Variants in BSG observed in about 807,000 individuals in gnomAD.
BSG encodes basigin (Ok blood group).
Under a neutral mutation model 43.1 loss-of-function variants are expected in BSG, and 37 were observed. The observed-to-expected ratio is 0.86, with a 90% CI of 0.66 to 1.13. The LOEUF (loss-of-function observed/expected upper bound fraction) is 1.13, where lower values mean the gene tolerates loss of function less well. Ranked by LOEUF, BSG falls within the 50% of genes most tolerant of loss-of-function variation. The pLI, the probability that BSG is intolerant of heterozygous loss-of-function variation, is 0.00. For synonymous variants in BSG, 309 were observed against 238.7 expected (o/e 1.29, Z -2.72); for missense variants, 599 against 554.2 (o/e 1.08, Z -0.81).
chr19:577,958 C>A lies in BSG; in HGVS notation c.252C>A (p.Thr84=), dbSNP rs767643953. Residue 84 remains threonine (T), a synonymous_variant, in exon 2 of 9, where the codon ACC becomes ACA. Coordinates refer to ENST00000333511, the MANE Select transcript of BSG (RefSeq NM_001728.4). The part of the protein sequence containing the change: ...ARLDRVHIHA[T]YHQHAASTIS... ...TGGACCGCGTCCACATCCACGCCAC[C>A]TACCACCAGCACGCGGCCAGCACCA... 3.1e-6 allele frequency: 5 copies of A among 1,611,820 alleles called. No individual in the cohort carries two copies. In the Admixed American group the frequency reaches 8.3e-5, roughly 27 times the overall value.
chr19:579,467 A>T, intron 2 of BSG, 33 bp from the exon 3 acceptor site: 1 of 1,610,832 alleles, frequency 6.2e-7, no homozygotes, highest in South Asian at 1.1e-5. Context: ...GTGCTCCTCC[A>T]CTCTGCTGAC....
intron 2 of BSG, chr19:579,023 C>G (rs1280680573): frequency 8.8e-6 from 4 of 456,280 alleles, no homozygotes; most frequent in African/African-American, 6.0e-5. Context: ...AGCCTCCGCG[C>G]CCGGCCACCA....
At chr19:579,358 C>A in intron 2 of BSG, 142 bp from the exon 3 acceptor site, 1 of 1,173,608 alleles carries the variant, frequency 8.5e-7, no homozygotes, top group Non-Finnish European at 1.2e-6. Flanking sequence ...GGCCTCCGGT[C>A]CTCGGGGCGT....
chr19:575,222 C>A (rs562293196), intron 1 of BSG: 46 of 152,608 alleles, frequency 3.0e-4, no homozygotes, highest in African/African-American at 1.4e-4. Flanking sequence ...AGAAACCCCA[C>A]TTTTGCTGGG....
Position 582,744 on chromosome 19 carries a change from C to A in BSG, c.*6-6C>A. ...GTCCAGTCTGAGCGCCCCTCCCTGT[C>A]CACAGGTGGCCCGAGGACGCTCCCT... is the stretch of plus-strand genomic sequence containing the variant. On this transcript the variant is annotated splice_region_variant and splice_polypyrimidine_tract_variant and intron_variant, in intron 8 of 8. Transcript: ENST00000333511. The A allele has an allele frequency of 1.4e-6, 1 of 731,404 alleles. No individual in the cohort carries two copies. The allele number at this position is 731,404 out of a possible 1,614,324, so 45.3% of individuals were successfully genotyped here.
upstream of BSG, chr19:572,377 A>C (rs1981317140): frequency 9.1e-7 from 1 of 1,103,940 alleles, no homozygotes; most frequent in South Asian, 4.5e-5. Context: ...CGCAGGCCCC[A>C]CTCCCGTTTC....
At position 579,602 on chromosome 19, in the gene BSG, AGGG is replaced by A. The variant is rs760264753; in HGVS notation, c.522_524del (p.Gly175del). ...GAGGTCACAGGGCACCGCTGGCTGAAGGGGGGCGTGGTGCTGAAGGAGGACGCG... is the reference window on the plus strand; with the variant it reads ...GAGGTCACAGGGCACCGCTGGCTGAAGGGCGTGGTGCTGAAGGAGGACGCG... On this transcript the variant is annotated inframe_deletion, in exon 3 of 9. Transcript: ENST00000333511. 1.2e-6 allele frequency: 2 copies of A among 1,612,590 alleles called. No homozygotes were observed. Among genetic ancestry groups the A allele is most frequent in the South Asian group, 2.2e-5 (2 of 91,078 alleles).
At position 578,040 on chromosome 19, in the gene BSG, A is replaced by AACG; in HGVS notation, c.337_339dup (p.Asp113dup). The AACG allele has an allele frequency of 6.2e-7, 1 of 1,611,458 alleles. No individual in the cohort carries two copies. The highest frequency in any genetic ancestry group is 2.2e-5 in the East Asian group (1 of 44,840). ...GGGCACTTACGAGTGCCGGGCCAGC[A>AACG]ACGACCCGGATCGCAACCACCTGAC... On this transcript the variant is annotated inframe_insertion, in exon 2 of 9. Coordinates refer to ENST00000333511, the MANE Select transcript of BSG (RefSeq NM_001728.4).
rs1210142536 is a variant in BSG, at chr19:581,476, G to A, written c.954G>A (p.Val318=). 1.2e-6 allele frequency: 2 copies of A among 1,607,872 alleles called. No individual in the cohort carries two copies. The highest frequency in any genetic ancestry group is 2.2e-5 in the South Asian group (2 of 90,448). Residue 318 remains valine (V), a synonymous_variant, in exon 6 of 9, where the codon GTG becomes GTA. Coordinates refer to ENST00000333511, the MANE Select transcript of BSG (RefSeq NM_001728.4). ...ACCAGGCCATCATCACGCTCCGCGTGCGCAGCCACCTGGCCGCCCTCTGGC... is the reference window on the plus strand; with the variant it reads ...ACCAGGCCATCATCACGCTCCGCGTACGCAGCCACCTGGCCGCCCTCTGGC... ...GSDQAIITLR[V]RSHLAALWPF...
intron 2 of BSG, chr19:579,292 C>T (rs1568351460): frequency 1.4e-6 from 1 of 731,264 alleles, no homozygotes; most frequent in Non-Finnish European, 2.4e-6. Context: ...GAAGGGGCCT[C>T]CTCAGCAGGC....
intron 3 of BSG, chr19:579,928 G>GTCCCGGGCACGTGTGCGGGCC (rs1982136778): frequency 2.0e-6 from 1 of 503,420 alleles, no homozygotes; most frequent in Non-Finnish European, 3.5e-6. Flanking sequence ...ACACTGCCAG[G>GTCCCGGGCACGTGTGCGGGCC]TCCCGGGCAC....
rs28921984 is a variant in BSG, at chr19:577,664, G to C, written c.68-110G>C. ...ACTCTCCCACAAGCTGAAAGGAAGT[G>C]GCTTCTCCACCAGCCCTGGCTGGGA... On this transcript the variant is annotated intron_variant, in intron 1 of 8. Coordinates refer to ENST00000333511, the MANE Select transcript of BSG (RefSeq NM_001728.4). 1.4e-3 allele frequency: 1,283 copies of C among 899,804 alleles called. 15 individuals carry two copies. In the African/African-American group the frequency reaches 0.018, roughly 13 times the overall value. 55.7% of individuals were successfully genotyped at this position (899,804 alleles called of 1,614,324 possible). A position where few individuals can be genotyped will look rare whatever the true frequency, so the allele number is the denominator to read the frequency against.
rs754124357 is a variant in BSG at position 582,602 on chromosome 19, C to T, written c.*5+20C>T. 1.5e-5 allele frequency: 13 copies of T among 891,106 alleles called. No individual in the cohort carries two copies. Among genetic ancestry groups the T allele is most frequent in the Non-Finnish European group, 2.0e-5 (13 of 642,276 alleles). The allele number at this position is 891,106 out of a possible 1,614,324, so 55.2% of individuals were successfully genotyped here. ...AGGCAGGTGCGGTGGGCGGGAGCTC[C>T]TCCTGAGCCAGGTGTGGTGGGTGGG... On this transcript the variant is annotated intron_variant, in intron 8 of 8. Transcript: ENST00000333511.
At chr19:572,574 A>AGCGGCC, upstream of BSG, 3 of 1,427,286 alleles carry the variant, frequency 2.1e-6, no homozygotes, top group Non-Finnish European at 2.8e-6. Context: ...CGCTTTTTAT[A>AGCGGCC]GCGGCCGCGG....
intron 1 of BSG, among the ~76,000 whole-genome samples, chr19:573,152 C>T (rs1397033345): frequency 6.6e-6 from 1 of 152,154 alleles, no homozygotes; most frequent in Non-Finnish European, 1.5e-5. Flanking sequence ...GAAGGGAGAC[C>T]CAAAGCCTGG....
chr19:573,005 G>A (rs1232295461), intron 1 of BSG, among the ~76,000 whole-genome samples: 3 of 152,166 alleles, frequency 2.0e-5, no homozygotes, highest in African/African-American at 7.2e-5. Context: ...AGGGGGTCCT[G>A]GCCAGGCCGG....
At chr19:577,436 G>T (rs7245585) in intron 1 of BSG, among the ~76,000 whole-genome samples, 1 of 151,756 alleles carries the variant, frequency 6.6e-6, no homozygotes, top group African/African-American at 2.4e-5. Context: ...TCAGAGGACG[G>T]TGCGCTTGGG....
chr19:579,699 C>T (rs12608994), intron 3 of BSG, 43 bp downstream of exon 3: 175,957 of 1,568,348 alleles, frequency 0.11, 12,184 homozygotes, highest in South Asian at 0.27. Flanking sequence ...CCCCTTCTCA[C>T]GGCTCTCTTG....
At chr19:572,857 C>A (rs1568346078) in intron 1 of BSG, among the ~76,000 whole-genome samples, 156 bp downstream of exon 1, 1 of 152,022 alleles carries the variant, frequency 6.6e-6, no homozygotes, top group Non-Finnish European at 1.5e-5. Flanking sequence ...CAGCATGGAG[C>A]TTGGGGGTGA....
Sources: gnomAD v4.1 joint callset for allele counts (sites outside exome capture counted in the v4.1 genomes callset) on GRCh38, gnomAD v4.1.1 for gene constraint, MANE v1.5 for transcripts, NCBI Gene and HGNC (gene_info 2026-07-23, HGNC 2026-07-21) for gene names.